Variants in CALML5 observed in about 807,000 individuals in gnomAD.
CALML5 encodes the protein calmodulin like 5.
For synonymous variants in CALML5, 101 were observed against 96.8 expected (o/e 1.04, Z -0.25); for missense variants, 207 against 206.6 (o/e 1.00, Z -0.01).
At position 5,498,932 on chromosome 10, in the gene CALML5, A is replaced by G; in HGVS notation, c.*66T>C. 1 of 1,312,962 alleles carries G rather than the reference A, an allele frequency of 7.6e-7. No homozygotes were observed. The highest frequency in any genetic ancestry group is 1.0e-6 in the Non-Finnish European group (1 of 977,858). 81.3% of individuals were successfully genotyped at this position (1,312,962 alleles called of 1,614,324 possible). ...AGGTTTCCCCGGAGAGTCCCAGCAC[A>G]AAAGCAGCAGCGGGCGGTGGCCCTG... On this transcript the variant is annotated 3_prime_UTR_variant, in exon 1 of 1. Transcript: ENST00000380332.
Position 5,499,511 on chromosome 10 carries a change from T to C in CALML5, c.-73A>G. The C allele has an allele frequency of 7.2e-7, 1 of 1,394,456 alleles. No homozygotes were observed. The highest frequency in any genetic ancestry group is 9.9e-7 in the Non-Finnish European group (1 of 1,006,444). The allele number at this position is 1,394,456 out of a possible 1,614,324, so 86.4% of individuals were successfully genotyped here. A position where few individuals can be genotyped will look rare whatever the true frequency, so the allele number is the denominator to read the frequency against. ...GCCCTCAACCTGCTGCTCTCAGAGC[T>C]CGTGGTCCAGAGTGCAGGCAGCCGC... On this transcript the variant is annotated 5_prime_UTR_variant, in exon 1 of 1. Transcript: ENST00000380332.
At position 5,499,134 on chromosome 10, in the gene CALML5, T is replaced by G; in HGVS notation, c.305A>C (p.Glu102Ala). ...CAGCCCCGCCATGGCCCGCCTGAGC[T>G]CGTCCACGGTGATGTGGCCGTCGCC... Reference protein sequence around the residue: ...QDGDGHITVDELRRAMAGLGQ... With the variant: ...QDGDGHITVDALRRAMAGLGQ... The change falls in exon 1 of 1, where the codon GAG becomes GCG. Residue 102 changes from glutamate to alanine, a missense_variant. By Grantham distance (107) the Glu-to-Ala change is moderately radical. Transcript: ENST00000380332. 6.2e-7 allele frequency: 1 copy of G among 1,603,682 alleles called. No individual in the cohort carries two copies. Among genetic ancestry groups the G allele is most frequent in the Non-Finnish European group, 8.5e-7 (1 of 1,179,426 alleles).
At position 5,498,801 on chromosome 10, in the gene CALML5, G is replaced by C. The variant is rs1327675817; in HGVS notation, c.*197C>G. On this transcript the variant is annotated 3_prime_UTR_variant, in exon 1 of 1. Transcript: ENST00000380332. ...CCCAAGGAGGCCTCCTTCTGCCCAA[G>C]GTCTGGAGGCAGAGAGGGGCTCGCA... 3 of 594,078 alleles carry C rather than the reference G, an allele frequency of 5.0e-6. No homozygotes were observed. The highest frequency in any genetic ancestry group is 9.0e-4 in the Middle Eastern group (2 of 2,224). The allele number at this position is 594,078 out of a possible 1,614,324, so 36.8% of individuals were successfully genotyped here.
Position 5,499,192 on chromosome 10 carries a change from G to C in CALML5, c.247C>G (p.Leu83Val). Residue 83 changes from leucine (L) to valine (V), a missense_variant, in exon 1 of 1, where the codon CTG becomes GTG. Transcript: ENST00000380332. ...AKKARAGLED[L>V]QVAFRAFDQD... ...TCGAAGGCGCGGAAGGCGACCTGCA[G>C]GTCCTCCAGGCCGGCCCTGGCCTTC... The C allele has an allele frequency of 1.2e-6, 2 of 1,611,732 alleles. No individual in the cohort carries two copies. Among genetic ancestry groups the C allele is most frequent in the South Asian group, 1.1e-5 (1 of 91,074 alleles).
Position 5,499,024 on chromosome 10 carries a change from A to G in CALML5, c.415T>C (p.Phe139Leu), listed in dbSNP as rs1225307691. The change falls in exon 1 of 1, where the codon TTC becomes CTC. Residue 139 changes from phenylalanine to leucine, a missense_variant. By Grantham distance (22) the Phe-to-Leu change is conservative. Transcript: ENST00000380332. Reference sequence around the variant, plus strand: ...CACTCCTGGGCGAGCATCCTCGCGAACTCCTCGTAGTTCACCCGCCCGTCC... The same window carrying G: ...CACTCCTGGGCGAGCATCCTCGCGAGCTCCTCGTAGTTCACCCGCCCGTCC... ...DQDGRVNYEE[F>L]ARMLAQE is the part of the protein sequence containing the mutation. 2 of 1,578,198 alleles carry G rather than the reference A, an allele frequency of 1.3e-6. No individual in the cohort carries two copies. Among genetic ancestry groups the G allele is most frequent in the East Asian group, 2.3e-5 (1 of 43,890 alleles).
In CALML5 at chr10:5,499,277, G is replaced by A. The variant is rs767518419; in HGVS notation, c.162C>T (p.Ser54=). The change falls in exon 1 of 1, where the codon TCC becomes TCT. Residue 54 remains serine (S), a synonymous_variant. Transcript: ENST00000380332. ...LSEAQLRKLI[S]EVDSDGDGEI... is the part of the protein sequence containing the mutation. ...CGCCGTCGCCGTCGCTGTCAACCTC[G>A]GAGATGAGTTTCCTTAGCTGGGCCT... 25 of 1,613,868 alleles carry A rather than the reference G, an allele frequency of 1.5e-5. No individual in the cohort carries two copies. Among genetic ancestry groups the A allele is most frequent in the Non-Finnish European group, 1.7e-5 (20 of 1,179,974 alleles).
rs374549539 is a variant in CALML5 at position 5,499,485 on chromosome 10, G to A, written c.-47C>T. The A allele has an allele frequency of 1.2e-5, 18 of 1,527,932 alleles. No individual in the cohort carries two copies. The Admixed American group carries it at 1.8e-4, about 15-fold the overall frequency. 94.6% of individuals were successfully genotyped at this position (1,527,932 alleles called of 1,614,324 possible). ...CGGAGCCTCCGAGCTGCTGCCCACC[G>A]GCCCTCAACCTGCTGCTCTCAGAGC... On this transcript the variant is annotated 5_prime_UTR_variant, in exon 1 of 1. Transcript: ENST00000380332.
At position 5,499,546 on chromosome 10, in the gene CALML5, G is replaced by C; in HGVS notation, c.-108C>G. The C allele has an allele frequency of 1.1e-6, 1 of 906,020 alleles. No homozygotes were observed. The highest frequency in any genetic ancestry group is 1.7e-6 in the Non-Finnish European group (1 of 591,760). The allele number at this position is 906,020 out of a possible 1,614,324, so 56.1% of individuals were successfully genotyped here. The stretch of plus-strand genomic sequence containing the variant: ...GAGTGCAGGCAGCCGCAGGGATCCG[G>C]GCAGCGTCTGTCCCAGACAGTTCTG... On this transcript the variant is annotated 5_prime_UTR_variant, in exon 1 of 1. Transcript: ENST00000380332.
chr10:5,498,950 TG>T lies in CALML5; in HGVS notation c.*47del. Reference sequence around the variant, plus strand: ...CCAGCACAAAAGCAGCAGCGGGCGGTGGCCCTGAAGGCTCAGAGCGCAGCCA... The same window carrying T: ...CCAGCACAAAAGCAGCAGCGGGCGGTGCCCTGAAGGCTCAGAGCGCAGCCA... On this transcript the variant is annotated 3_prime_UTR_variant, in exon 1 of 1. Transcript: ENST00000380332. The T allele has an allele frequency of 7.2e-7, 1 of 1,389,354 alleles. No homozygotes were observed. 86.1% of individuals were successfully genotyped at this position (1,389,354 alleles called of 1,614,324 possible).
Position 5,499,414 on chromosome 10 carries a change from C to T in CALML5, c.25G>A (p.Glu9Lys). Reference protein sequence around the residue: MAGELTPEEEAQYKKAFSA... With the variant: MAGELTPEKEAQYKKAFSA... ...AAAGCCTTTTTGTACTGGGCCTCCT[C>T]CTCAGGAGTCAGCTCACCGGCCATG... The change falls in exon 1 of 1, where the codon GAG becomes AAG. Residue 9 changes from glutamate to lysine, a missense_variant. Physicochemically the swap from Glu to Lys is moderately conservative, Grantham distance 56. Coordinates refer to ENST00000380332, the MANE Select transcript of CALML5 (RefSeq NM_017422.5). 6.2e-7 allele frequency: 1 copy of T among 1,613,154 alleles called. No homozygotes were observed. Among genetic ancestry groups the T allele is most frequent in the Non-Finnish European group, 8.5e-7 (1 of 1,179,200 alleles).
chr10:5,499,380 A>G lies in CALML5; in HGVS notation c.59T>C (p.Val20Ala). 6.2e-7 allele frequency: 1 copy of G among 1,613,934 alleles called. No homozygotes were observed. Among genetic ancestry groups the G allele is most frequent in the African/African-American group, 1.3e-5 (1 of 74,972 alleles). The change falls in exon 1 of 1, where the codon GTT becomes GCT. Residue 20 changes from valine to alanine, a missense_variant. Physicochemically the swap from Val to Ala is moderately conservative, Grantham distance 64 (BLOSUM62 0). Coordinates refer to ENST00000380332, the MANE Select transcript of CALML5 (RefSeq NM_017422.5). ...EAQYKKAFSAVDTDGNGTINA... is the reference protein window; with the variant it reads ...EAQYKKAFSAADTDGNGTINA... ...GATGGTGCCGTTTCCATCCGTGTCAACCGCGGAGAAAGCCTTTTTGTACTG... is the reference window on the plus strand; with the variant it reads ...GATGGTGCCGTTTCCATCCGTGTCAGCCGCGGAGAAAGCCTTTTTGTACTG...
rs753615918 is a variant in CALML5, at chr10:5,499,297, G to T, written c.142C>A (p.Gln48Lys). Reference protein sequence around the residue: ...KATGKNLSEAQLRKLISEVDS... With the variant: ...KATGKNLSEAKLRKLISEVDS... Reference sequence around the variant, plus strand: ...ACCTCGGAGATGAGTTTCCTTAGCTGGGCCTCCGAGAGGTTCTTGCCCGTG... The same window carrying T: ...ACCTCGGAGATGAGTTTCCTTAGCTTGGCCTCCGAGAGGTTCTTGCCCGTG... Residue 48 changes from glutamine to lysine, a missense_variant, in exon 1 of 1, where the codon CAG becomes AAG. Coordinates refer to ENST00000380332, the MANE Select transcript of CALML5 (RefSeq NM_017422.5). 3.1e-6 allele frequency: 5 copies of T among 1,613,978 alleles called. No homozygotes were observed. Among genetic ancestry groups the T allele is most frequent in the Non-Finnish European group, 4.2e-6 (5 of 1,179,920 alleles).
Position 5,499,564 on chromosome 10 carries a change from C to G in CALML5, c.-126G>C, listed in dbSNP as rs1365900459. On this transcript the variant is annotated 5_prime_UTR_variant, in exon 1 of 1. Transcript: ENST00000380332. ...GGATCCGGGCAGCGTCTGTCCCAGA[C>G]AGTTCTGCCTTGGCATGGGAACCCC... 1.5e-5 allele frequency: 12 copies of G among 778,428 alleles called. No homozygotes were observed. The highest frequency in any genetic ancestry group is 2.5e-5 in the Non-Finnish European group (12 of 487,558). The allele number at this position is 778,428 out of a possible 1,614,324, so 48.2% of individuals were successfully genotyped here. A position where few individuals can be genotyped will look rare whatever the true frequency, so the allele number is the denominator to read the frequency against.
Position 5,499,113 on chromosome 10 carries a change from C to A in CALML5, c.326G>T (p.Gly109Val). ...CTCCTGCGGCAGCGGCTGCCCCAGC[C>A]CCGCCATGGCCCGCCTGAGCTCGTC... Reference protein sequence around the residue: ...TVDELRRAMAGLGQPLPQEEL... With the variant: ...TVDELRRAMAVLGQPLPQEEL... The change falls in exon 1 of 1, where the codon GGG (glycine) becomes GTG (valine). Residue 109 changes from glycine to valine, a missense_variant. Physicochemically the swap from Gly to Val is moderately radical, Grantham distance 109 (BLOSUM62 -3). Coordinates refer to ENST00000380332, the MANE Select transcript of CALML5 (RefSeq NM_017422.5). 6.2e-7 allele frequency: 1 copy of A among 1,600,876 alleles called. No homozygotes were observed. The highest frequency in any genetic ancestry group is 1.1e-5 in the South Asian group (1 of 90,902).
rs140538980 is a variant in CALML5 at position 5,499,332 on chromosome 10, G to A, written c.107C>T (p.Ala36Val). Residue 36 changes from alanine to valine, a missense_variant, in exon 1 of 1, where the codon GCG becomes GTG. Ala to Val is a moderately conservative substitution (Grantham distance 64, BLOSUM62 0). Transcript: ENST00000380332. ...GTINAQELGA[A>V]LKATGKNLSE... The stretch of plus-strand genomic sequence containing the variant: ...GAGGTTCTTGCCCGTGGCCTTCAGC[G>A]CCGCGCCCAGCTCCTGGGCATTGAT... 376 of 1,613,970 alleles carry A rather than the reference G, an allele frequency of 2.3e-4. 3 individuals are homozygous for A. The highest frequency in any genetic ancestry group is 4.5e-4 in the South Asian group (41 of 91,090).
At position 5,499,358 on chromosome 10, in the gene CALML5, G is replaced by T; in HGVS notation, c.81C>A (p.Thr27=). 1 of 1,614,152 alleles carries T rather than the reference G, an allele frequency of 6.2e-7. No individual in the cohort carries two copies. Among genetic ancestry groups the T allele is most frequent in the East Asian group, 2.2e-5 (1 of 44,870 alleles). The change falls in exon 1 of 1, where the codon ACC becomes ACA. Residue 27 remains threonine, a synonymous_variant. Coordinates refer to ENST00000380332, the MANE Select transcript of CALML5 (RefSeq NM_017422.5). ...FSAVDTDGNG[T]INAQELGAAL... is the part of the protein sequence containing the mutation. ...CCGCGCCCAGCTCCTGGGCATTGATGGTGCCGTTTCCATCCGTGTCAACCG... is the reference window on the plus strand; with the variant it reads ...CCGCGCCCAGCTCCTGGGCATTGATTGTGCCGTTTCCATCCGTGTCAACCG...
In CALML5 at chr10:5,498,719, T is replaced by G; in HGVS notation, c.*279A>C. On this transcript the variant is annotated 3_prime_UTR_variant, in exon 1 of 1. Coordinates refer to ENST00000380332, the MANE Select transcript of CALML5 (RefSeq NM_017422.5). ...ACATGGAACTCGGCAGTCCTTTATT[T>G]AGATCAATGCGGGGCTGAGGGGCCC... 1 of 482,518 alleles carries G rather than the reference T, an allele frequency of 2.1e-6. No homozygotes were observed. The highest frequency in any genetic ancestry group is 3.9e-5 in the Admixed American group (1 of 25,950). The allele number at this position is 482,518 out of a possible 1,614,324, so 29.9% of individuals were successfully genotyped here. A position where few individuals can be genotyped will look rare whatever the true frequency, so the allele number is the denominator to read the frequency against.
Position 5,498,843 on chromosome 10 carries a change from C to G in CALML5, c.*155G>C, listed in dbSNP as rs1397825063. ...GGGCTCGCAGGCGGCCCGAGGGCGC[C>G]GCATCCAGGCCCCGGAGCGCAAAGC... On this transcript the variant is annotated 3_prime_UTR_variant, in exon 1 of 1. Transcript: ENST00000380332. 2.9e-6 allele frequency: 2 copies of G among 694,782 alleles called. No individual in the cohort carries two copies. Among genetic ancestry groups the G allele is most frequent in the South Asian group, 2.0e-5 (1 of 51,238 alleles). The allele number at this position is 694,782 out of a possible 1,614,324, so 43.0% of individuals were successfully genotyped here.
Position 5,498,823 on chromosome 10 carries a change from C to T in CALML5, c.*175G>A. On this transcript the variant is annotated 3_prime_UTR_variant, in exon 1 of 1. Transcript: ENST00000380332. Reference sequence around the variant, plus strand: ...CAAGGTCTGGAGGCAGAGAGGGGCTCGCAGGCGGCCCGAGGGCGCCGCATC... The same window carrying T: ...CAAGGTCTGGAGGCAGAGAGGGGCTTGCAGGCGGCCCGAGGGCGCCGCATC... 3 of 615,066 alleles carry T rather than the reference C, an allele frequency of 4.9e-6. No individual in the cohort carries two copies. The highest frequency in any genetic ancestry group is 2.0e-5 in the South Asian group (1 of 49,086). The allele number at this position is 615,066 out of a possible 1,614,324, so 38.1% of individuals were successfully genotyped here. A position where few individuals can be genotyped will look rare whatever the true frequency, so the allele number is the denominator to read the frequency against.
Sources: allele counts gnomAD v4.1 joint callset, GRCh38; gene constraint gnomAD v4.1.1; transcripts MANE v1.5; gene names NCBI Gene and HGNC (gene_info 2026-07-23, HGNC 2026-07-21).